The following GFRAL variants were observed in gnomAD, a reference collection of about 807,000 sequenced individuals.
GFRAL encodes the protein GDNF family receptor alpha like, also known as GDNF family receptor alpha-like.
GFRAL carries 36 observed loss-of-function variants against 45.4 expected under a neutral mutation model. The observed-to-expected ratio is 0.79, with a 90% confidence interval of 0.61 to 1.05. GFRAL has a LOEUF of 1.05. Ranked by LOEUF, GFRAL falls within the 50% of genes least tolerant of loss-of-function variation. The probability of loss-of-function intolerance (pLI) is 0.00; values close to 1 mark genes in which losing one functional copy is unlikely to be tolerated. For missense variants in GFRAL, 507 were observed against 467.5 expected, an observed-to-expected ratio of 1.08 and a Z score of -0.78; for synonymous variants, 166 against 154.1, an observed-to-expected ratio of 1.08 and a Z score of -0.57.
intron 6 of GFRAL, among the ~76,000 whole-genome samples, chr6:55,385,884 A>C (rs1366957126): frequency 6.6e-6 from 1 of 152,072 alleles, no homozygotes; most frequent in East Asian, 1.9e-4. Flanking sequence ...TCTAGTAAAG[A>C]TTTCAAAGAA....
At chr6:55,369,090 C>T (rs772369332) in intron 6 of GFRAL, among the ~76,000 whole-genome samples, 11,966 of 146,658 alleles carry the variant, frequency 0.082, 568 homozygotes, top group South Asian at 0.11. Flanking sequence ...TAGCAATCAG[C>T]GAGACTCCGT....
chr6:55,335,628 T>C (rs1487110189), intron 3 of GFRAL, among the ~76,000 whole-genome samples: 1 of 152,150 alleles, frequency 6.6e-6, no homozygotes, highest in South Asian at 2.1e-4. Flanking sequence ...CAGTACAAGA[T>C]ATAAGTCAGA....
At chr6:55,385,738 AGTTT>A (rs1457317082) in intron 6 of GFRAL, among the ~76,000 whole-genome samples, 1 of 152,112 alleles carries the variant, frequency 6.6e-6, no homozygotes, top group Non-Finnish European at 1.5e-5. Flanking sequence ...CTATTTAAAA[AGTTT>A]GTTTGATGAG....
rs538393946 is a variant in GFRAL at position 55,391,759 on chromosome 6, T to G, written c.953-7421T>G. ...ATCTCAATAAAAAAGGATAAAAACA[T>G]TGAGGAAAAAATCTCAATAACTTGC... On this transcript the variant is annotated intron_variant, in intron 6 of 8. Coordinates refer to ENST00000340465, the MANE Select transcript of GFRAL (RefSeq NM_207410.2). 2.0e-5 allele frequency among the ~76,000 whole-genome samples: 3 copies of G among 152,208 alleles called. No homozygotes were observed. The South Asian group carries it at 6.2e-4, about 32-fold the overall frequency.
At chr6:55,388,293 G>C (rs1279873056) in intron 6 of GFRAL, among the ~76,000 whole-genome samples, 1 of 152,168 alleles carries the variant, frequency 6.6e-6, no homozygotes, top group Non-Finnish European at 1.5e-5. Flanking sequence ...GTCTGCTTTA[G>C]TTAGGAGTGA....
At chr6:55,356,852 A>G (rs1369771536) in intron 5 of GFRAL, among the ~76,000 whole-genome samples, 2 of 151,760 alleles carry the variant, frequency 1.3e-5, no homozygotes, top group Non-Finnish European at 1.5e-5. Flanking sequence ...TTCTCTTAAT[A>G]CTGCTTTTTC....
At chr6:55,338,639 A>T (rs2127351297) in intron 3 of GFRAL, among the ~76,000 whole-genome samples, 1 of 152,268 alleles carries the variant, frequency 6.6e-6, no homozygotes, top group African/African-American at 2.4e-5. Flanking sequence ...GACTCAGAAG[A>T]CTTCACAGAA....
At chr6:55,391,251 A>T (rs1004032370) in intron 6 of GFRAL, among the ~76,000 whole-genome samples, 3 of 152,172 alleles carry the variant, frequency 2.0e-5, no homozygotes, top group African/African-American at 7.2e-5. Flanking sequence ...TTTCTAAAAC[A>T]TCACGTCACC....
chr6:55,382,883 T>C (rs1219107074), intron 6 of GFRAL, among the ~76,000 whole-genome samples: 11 of 151,958 alleles, frequency 7.2e-5, no homozygotes, highest in Admixed American at 5.3e-4. Flanking sequence ...TGAAACATAG[T>C]AAAACTCAGT....
chr6:55,385,537 A>G (rs987010851), intron 6 of GFRAL, among the ~76,000 whole-genome samples: 2 of 152,120 alleles, frequency 1.3e-5, no homozygotes, highest in African/African-American at 4.8e-5. Context: ...GAGGCGACTA[A>G]AAATTAGTAA....
chr6:55,384,052 C>T (rs1204565468), intron 6 of GFRAL, among the ~76,000 whole-genome samples: 1 of 152,024 alleles, frequency 6.6e-6, no homozygotes, highest in Non-Finnish European at 1.5e-5. Context: ...AGATCTCACT[C>T]ATAAGTGAGA....
chr6:55,337,341 A>G lies in GFRAL; in HGVS notation c.316+3397A>G, dbSNP rs186091270. On this transcript the variant is annotated intron_variant, in intron 3 of 8. Coordinates refer to ENST00000340465, the MANE Select transcript of GFRAL (RefSeq NM_207410.2). ...CTGCTAATATTTTGTTTAAAAAACT[A>G]TGTTCATAAAGTATATTGGCATGTT... Among the ~76,000 whole-genome samples, 506 of 152,264 alleles carry G rather than the reference A, an allele frequency of 3.3e-3. 4 individuals are homozygous for G. Among genetic ancestry groups the G allele is most frequent in the African/African-American group, 0.01 (426 of 41,560 alleles).
At chr6:55,346,725 G>A (rs116259855) in intron 3 of GFRAL, among the ~76,000 whole-genome samples, 1,984 of 150,056 alleles carry the variant, frequency 0.013, 23 homozygotes, top group Non-Finnish European at 0.022. Flanking sequence ...CATATGTTGA[G>A]TCAAAGCAAA....
At chr6:55,383,661 C>A (rs1162368543) in intron 6 of GFRAL, among the ~76,000 whole-genome samples, 1 of 151,992 alleles carries the variant, frequency 6.6e-6, no homozygotes, top group Admixed American at 6.6e-5. Flanking sequence ...TGATGCATTT[C>A]TCAGAATGTA....
intron 3 of GFRAL, among the ~76,000 whole-genome samples, chr6:55,346,406 C>T (rs559773693): frequency 1.3e-5 from 2 of 152,150 alleles, no homozygotes; most frequent in South Asian, 4.2e-4. Context: ...ATGGATGAAG[C>T]TGGAAACCAT....
In GFRAL at chr6:55,351,600, A is replaced by G. The variant is rs1562053100; in HGVS notation, c.701+17A>G. On this transcript the variant is annotated intron_variant, in intron 5 of 8. Coordinates refer to ENST00000340465, the MANE Select transcript of GFRAL (RefSeq NM_207410.2). ...ATTATGCAGGTGGGTAAAAACACTC[A>G]TACCTTACTTTCTTATTTCGGCACC... The G allele has an allele frequency of 1.9e-6, 3 of 1,567,482 alleles. No individual in the cohort carries two copies. Among genetic ancestry groups the G allele is most frequent in the South Asian group, 2.3e-5 (2 of 87,372 alleles).
chr6:55,376,355 A>G (rs1768534497), intron 6 of GFRAL, among the ~76,000 whole-genome samples: 2 of 152,244 alleles, frequency 1.3e-5, no homozygotes, highest in South Asian at 4.1e-4. Context: ...TTTTGGTATC[A>G]GGATGATTTT....
chr6:55,366,558 G>A (rs1768367163), intron 6 of GFRAL, among the ~76,000 whole-genome samples: 1 of 142,750 alleles, frequency 7.0e-6, no homozygotes, highest in East Asian at 1.9e-4. Context: ...GATCTTTCCT[G>A]CTTTCTCTTG....
At chr6:55,376,199 A>G (rs1184236250) in intron 6 of GFRAL, among the ~76,000 whole-genome samples, 2 of 152,078 alleles carry the variant, frequency 1.3e-5, no homozygotes, top group Non-Finnish European at 2.9e-5. Context: ...TGCACCCCAG[A>G]CATGAAGCCA....
Sources: gnomAD v4.1 joint callset for allele counts (sites outside exome capture counted in the v4.1 genomes callset) on GRCh38, gnomAD v4.1.1 for gene constraint, MANE v1.5 for transcripts, NCBI Gene and HGNC (gene_info 2026-07-23, HGNC 2026-07-21) for gene names.